ACER3: variants seen among roughly 807,000 people sequenced by gnomAD.
ACER3 encodes the protein alkaline ceramidase 3.
Under a neutral mutation model 48.9 loss-of-function variants are expected in ACER3, and 16 were observed. The ratio of observed to expected loss-of-function variants is 0.33; its 90% CI spans 0.22 to 0.50. ACER3 has a LOEUF of 0.50. Among genes scored for constraint, ACER3 ranks in the 20% least tolerant of loss-of-function variants. The probability of loss-of-function intolerance (pLI) is 0.98; values close to 1 mark genes in which losing one functional copy is unlikely to be tolerated. For synonymous variants in ACER3, 109 were observed against 107.8 expected (o/e 1.01, Z -0.07); for missense variants, 227 against 326.0 (o/e 0.70, Z 2.34).
chr11:77,013,019 GAT>G (rs1949300407), intron 7 of ACER3, among the ~76,000 whole-genome samples: 1 of 152,100 alleles, frequency 6.6e-6, no homozygotes. Flanking sequence ...AGTGGAGAAA[GAT>G]AATCTTTTCA....
intron 1 of ACER3, among the ~76,000 whole-genome samples, chr11:76,916,468 T>G (rs1732539265): frequency 6.6e-6 from 1 of 152,136 alleles, no homozygotes; most frequent in African/African-American, 2.4e-5. Flanking sequence ...TTGATCAGAT[T>G]TAGTGAAAAG....
chr11:77,005,449 C>T (rs1591059399), intron 7 of ACER3, among the ~76,000 whole-genome samples: 1 of 152,046 alleles, frequency 6.6e-6, no homozygotes, highest in South Asian at 2.1e-4. Flanking sequence ...GGTCTGTATT[C>T]GATTCCTAGG....
chr11:76,985,322 C>T (rs11600914), intron 4 of ACER3, among the ~76,000 whole-genome samples: 4,612 of 152,216 alleles, frequency 0.03, 93 homozygotes, highest in South Asian at 0.065. Flanking sequence ...AGGCTGGTCT[C>T]GAAATCCTGC....
chr11:76,992,894 A>T (rs1948832433), intron 6 of ACER3, among the ~76,000 whole-genome samples: 1 of 150,884 alleles, frequency 6.6e-6, no homozygotes, highest in South Asian at 2.1e-4. Context: ...TTTGAAATAG[A>T]GCCTCGCCCT....
chr11:76,947,778 A>G (rs577384246), intron 2 of ACER3, among the ~76,000 whole-genome samples: 4 of 152,338 alleles, frequency 2.6e-5, no homozygotes, highest in African/African-American at 7.2e-5. Context: ...CAACAGAAAT[A>G]ATATTTTTAT....
rs1949327162 is a variant in ACER3 at position 77,014,459 on chromosome 11, C to CAGT, written c.498-555_498-553dup. On this transcript the variant is annotated intron_variant, in intron 7 of 10. Coordinates refer to ENST00000532485, the MANE Select transcript of ACER3 (RefSeq NM_018367.7). ...AATGCTTACAACAATGCCTGGTACA[C>CAGT]AGTAAGTACTCCATATGTATTAAGT... 2.6e-5 allele frequency among the ~76,000 whole-genome samples: 4 copies of CAGT among 152,224 alleles called. No homozygotes were observed. The South Asian group carries it at 8.3e-4, about 31-fold the overall frequency.
intron 1 of ACER3, among the ~76,000 whole-genome samples, chr11:76,888,323 C>T (rs914387006): frequency 1.3e-5 from 2 of 152,112 alleles, no homozygotes; most frequent in Non-Finnish European, 2.9e-5. Context: ...GAATGTATTC[C>T]TTAAAATCTA....
intron 3 of ACER3, among the ~76,000 whole-genome samples, chr11:76,969,154 A>C (rs1023079446): frequency 6.6e-6 from 1 of 152,252 alleles, no homozygotes; most frequent in Non-Finnish European, 1.5e-5. Flanking sequence ...GACACTTCTC[A>C]AAAGAAGACA....
chr11:76,904,755 G>A (rs1946175558), intron 1 of ACER3, among the ~76,000 whole-genome samples: 1 of 152,036 alleles, frequency 6.6e-6, no homozygotes. Flanking sequence ...CTACTGTTTC[G>A]CTGCCCCTCT....
At chr11:76,949,581 T>C (rs1457621220) in intron 2 of ACER3, among the ~76,000 whole-genome samples, 4 of 152,052 alleles carry the variant, frequency 2.6e-5, no homozygotes, top group Non-Finnish European at 5.9e-5. Flanking sequence ...ATTTCTAATT[T>C]TTATAAATTA....
intron 1 of ACER3, among the ~76,000 whole-genome samples, chr11:76,862,684 A>C (rs6592676): frequency 0.73 from 110,445 of 152,056 alleles, 40,534 homozygotes; most frequent in African/African-American, 0.78. Flanking sequence ...GAATTAGGGC[A>C]TATGGGCAGA....
chr11:76,921,622 G>T (rs1442364781), intron 1 of ACER3, among the ~76,000 whole-genome samples: 1 of 152,012 alleles, frequency 6.6e-6, no homozygotes. Context: ...CAGGTTTGTT[G>T]TTACTCAAGA....
intron 1 of ACER3, among the ~76,000 whole-genome samples, chr11:76,897,619 G>A (rs1945967308): frequency 6.6e-6 from 1 of 152,078 alleles, no homozygotes; most frequent in Non-Finnish European, 1.5e-5. Flanking sequence ...AAGCTGTCAA[G>A]CTTATTGTGG....
At chr11:76,929,326 T>A (rs559666563) in intron 2 of ACER3, among the ~76,000 whole-genome samples, 11 of 152,364 alleles carry the variant, frequency 7.2e-5, no homozygotes, top group East Asian at 3.9e-4. Context: ...CCTGAGACTT[T>A]GCTGAAGTTG....
At chr11:76,934,623 G>A (rs913922517) in intron 2 of ACER3, among the ~76,000 whole-genome samples, 5 of 148,250 alleles carry the variant, frequency 3.4e-5, no homozygotes, top group Non-Finnish European at 6.0e-5. Flanking sequence ...GCAGTGAGCC[G>A]AGATGGCAGC....
chr11:76,938,745 A>G (rs982276655), intron 2 of ACER3, among the ~76,000 whole-genome samples: 1 of 152,188 alleles, frequency 6.6e-6, no homozygotes, highest in Non-Finnish European at 1.5e-5. Context: ...AGGTATCAGC[A>G]TGATTTTTTT....
At position 77,021,271 on chromosome 11, in the gene ACER3, G is replaced by A. The variant is rs754024397; in HGVS notation, c.*944G>A. 1 of 152,154 alleles carries A rather than the reference G, an allele frequency of 6.6e-6. No homozygotes were observed. The highest frequency in any genetic ancestry group is 2.1e-4 in the South Asian group (1 of 4,818). 9.4% of individuals were successfully genotyped at this position (152,154 alleles called of 1,614,324 possible). ...CAGAGAGGTCATGGTTGTGCCCAGGGAAGTGTGTTGCATTAACTAAAGCTA... is the reference window on the plus strand; with the variant it reads ...CAGAGAGGTCATGGTTGTGCCCAGGAAAGTGTGTTGCATTAACTAAAGCTA... On this transcript the variant is annotated 3_prime_UTR_variant, in exon 11 of 11. Coordinates refer to ENST00000532485, the MANE Select transcript of ACER3 (RefSeq NM_018367.7).
chr11:76,893,502 T>G (rs1242624159), intron 1 of ACER3, among the ~76,000 whole-genome samples: 1 of 152,224 alleles, frequency 6.6e-6, no homozygotes, highest in Non-Finnish European at 1.5e-5. Context: ...ATTTTCACCT[T>G]CCTTAGCTGT....
At chr11:76,868,383 C>CTGTG (rs1336087249) in intron 1 of ACER3, 5,393 of 522,096 alleles carry the variant, frequency 0.01, 63 homozygotes, top group East Asian at 0.05. Flanking sequence ...ATATCTCTCT[C>CTGTG]TCTCTCTCTG....
Sources: gnomAD v4.1 joint callset for allele counts (sites outside exome capture counted in the v4.1 genomes callset) on GRCh38, gnomAD v4.1.1 for gene constraint, MANE v1.5 for transcripts, NCBI Gene and HGNC (gene_info 2026-07-23, HGNC 2026-07-21) for gene names.